Variants in FGF14 observed in about 807,000 individuals in gnomAD.
The protein encoded by FGF14 is fibroblast growth factor 14.
Under a neutral mutation model 25.5 loss-of-function variants are expected in FGF14, and 5 were observed. The ratio of observed to expected loss-of-function variants is 0.20; its 90% CI spans 0.10 to 0.41. The LOEUF (loss-of-function observed/expected upper bound fraction) is 0.41, where lower values mean the gene tolerates loss of function less well. FGF14 is among the 10% of genes least tolerant of loss of function. The probability of loss-of-function intolerance (pLI) is 1.00; values close to 1 mark genes in which losing one functional copy is unlikely to be tolerated. For missense variants in FGF14, 222 were observed against 320.1 expected (o/e 0.69, Z 2.34); for synonymous variants, 138 against 118.3 (o/e 1.17, Z -1.08).
intron 1 of FGF14, among the ~76,000 whole-genome samples, chr13:102,175,671 A>G (rs950271450): frequency 2.0e-5 from 3 of 152,104 alleles, no homozygotes; most frequent in African/African-American, 7.2e-5. Flanking sequence ...TATGCATCCA[A>G]CAAAGAAATA....
Position 101,910,564 on chromosome 13 carries a change from T to G in FGF14, c.193+5889A>C, listed in dbSNP as rs575649567. Among the ~76,000 whole-genome samples the G allele has an allele frequency of 7.9e-5, 12 of 152,242 alleles. No homozygotes were observed. In the South Asian group the frequency reaches 2.5e-3, roughly 32 times the overall value. On this transcript the variant is annotated intron_variant, in intron 1 of 4. Transcript: ENST00000376143. The stretch of plus-strand genomic sequence containing the variant: ...CCACAAAATAAATTACAAAATTTAA[T>G]TTTATGAAAGGAGACATTTTTCTGA...
intron 1 of FGF14, among the ~76,000 whole-genome samples, chr13:102,303,608 A>G (rs1194271601): frequency 6.6e-6 from 1 of 152,228 alleles, no homozygotes; most frequent in Non-Finnish European, 1.5e-5. Context: ...AATTTTACAA[A>G]TAAGAAAGTT....
chr13:102,185,584 A>C (rs1320631202), intron 1 of FGF14, among the ~76,000 whole-genome samples: 2 of 151,218 alleles, frequency 1.3e-5, no homozygotes, highest in Non-Finnish European at 2.9e-5. Flanking sequence ...CAGGATGAGA[A>C]ATGTATCTCT....
intron 1 of FGF14, among the ~76,000 whole-genome samples, chr13:101,936,966 T>C (rs2035143851): frequency 6.6e-6 from 1 of 152,172 alleles, no homozygotes; most frequent in African/African-American, 2.4e-5. Flanking sequence ...GGGGTAGAGA[T>C]GGGGGTGTTT....
intron 3 of FGF14, among the ~76,000 whole-genome samples, chr13:101,751,993 T>G (rs541032052): frequency 6.6e-6 from 1 of 152,298 alleles, no homozygotes; most frequent in East Asian, 1.9e-4. Flanking sequence ...AATATGAGAT[T>G]TGCAGAGACT....
intron 1 of FGF14, among the ~76,000 whole-genome samples, chr13:102,286,841 T>C (rs1435917316): frequency 6.6e-6 from 1 of 152,188 alleles, no homozygotes; most frequent in Non-Finnish European, 1.5e-5. Flanking sequence ...GACTAATCCC[T>C]GGGATTCATT....
At chr13:102,181,597 T>C (rs1321289240) in intron 1 of FGF14, among the ~76,000 whole-genome samples, 1 of 152,172 alleles carries the variant, frequency 6.6e-6, no homozygotes, top group African/African-American at 2.4e-5. Context: ...GCAATGCAGC[T>C]GCAAATCAGA....
chr13:102,374,598 T>G (rs2139128930), intron 1 of FGF14, among the ~76,000 whole-genome samples: 1 of 142,652 alleles, frequency 7.0e-6, no homozygotes, highest in Admixed American at 7.2e-5. Context: ...AATTTTAAAG[T>G]TTCAGGTGAT....
intron 3 of FGF14, among the ~76,000 whole-genome samples, chr13:101,727,868 G>A (rs2035546651): frequency 6.6e-6 from 1 of 152,016 alleles, no homozygotes; most frequent in Non-Finnish European, 1.5e-5. Flanking sequence ...GATCCTTACT[G>A]TCCTTGATCT....
At chr13:102,107,268 C>T (rs1338458443) in intron 1 of FGF14, among the ~76,000 whole-genome samples, 3 of 152,072 alleles carry the variant, frequency 2.0e-5, no homozygotes, top group Non-Finnish European at 4.4e-5. Context: ...GTACTGTTGA[C>T]AGGTTGTTAT....
At position 102,129,578 on chromosome 13, in the gene FGF14, T is replaced by C. The variant is rs531741690; in HGVS notation, c.209-254282A>G. Reference sequence around the variant, plus strand: ...ATTTCCCTTCCTCAATTCCTTACAATGTGTACACACTAGTTCTCTTTGGGA... The same window carrying C: ...ATTTCCCTTCCTCAATTCCTTACAACGTGTACACACTAGTTCTCTTTGGGA... On this transcript the variant is annotated intron_variant, in intron 1 of 4. Coordinates refer to the FGF14 transcript ENST00000376131. Among the ~76,000 whole-genome samples the C allele has an allele frequency of 4.6e-5, 7 of 152,046 alleles. No individual in the cohort carries two copies. In the South Asian group the frequency reaches 1.0e-3, roughly 23 times the overall value.
chr13:102,071,273 A>G (rs996272469), intron 1 of FGF14, among the ~76,000 whole-genome samples: 2 of 152,196 alleles, frequency 1.3e-5, no homozygotes, highest in Non-Finnish European at 1.5e-5. Context: ...TTTAAACATC[A>G]TGTCTTTGTG....
intron 1 of FGF14, among the ~76,000 whole-genome samples, chr13:102,000,111 C>T (rs920216648): frequency 7.9e-5 from 12 of 152,004 alleles, no homozygotes; most frequent in African/African-American, 2.7e-4. Context: ...GTCAGGAGAT[C>T]GAGACCATCC....
intron 3 of FGF14, among the ~76,000 whole-genome samples, chr13:101,867,092 G>A (rs141578862): frequency 1.0e-3 from 152 of 152,244 alleles, no homozygotes; most frequent in African/African-American, 3.5e-3. Context: ...CTGGGCAAAT[G>A]CTATTGCACG....
At chr13:101,726,908 G>A in intron 3 of FGF14, 98 bp from the exon 4 acceptor site, 1 of 929,240 alleles carries the variant, frequency 1.1e-6, no homozygotes, top group Non-Finnish European at 1.7e-6. Flanking sequence ...TGGTGAAAGA[G>A]TGCTTTGGCA....
rs181761378 is a variant in FGF14, at chr13:102,066,088, T to C, written c.209-190792A>G. Among the ~76,000 whole-genome samples, 3 of 152,218 alleles carry C rather than the reference T, an allele frequency of 2.0e-5. No individual in the cohort carries two copies. The East Asian group carries it at 5.8e-4, about 29-fold the overall frequency. ...AGAATGTCAGCACAAAATAATACAC[T>C]TAAGTAATACATTAATAATAACATT... On this transcript the variant is annotated intron_variant, in intron 1 of 4. Transcript: ENST00000376131.
At chr13:102,354,304 T>C (rs144646008) in intron 1 of FGF14, 38 of 152,312 alleles carry the variant, frequency 2.5e-4, no homozygotes, top group African/African-American at 8.4e-4. Flanking sequence ...TTCTCACCTA[T>C]TGTTTATACA....
chr13:101,974,694 C>T (rs1408531048), intron 1 of FGF14, among the ~76,000 whole-genome samples: 1 of 152,056 alleles, frequency 6.6e-6, no homozygotes, highest in African/African-American at 2.4e-5. Flanking sequence ...TGATACAAGG[C>T]TTTCTGATAA....
intron 1 of FGF14, among the ~76,000 whole-genome samples, chr13:102,049,180 G>A (rs1396417915): frequency 2.0e-5 from 3 of 152,082 alleles, no homozygotes. Flanking sequence ...GAACATGCCA[G>A]AAAATCCTTA....
Sources: allele counts gnomAD v4.1 joint callset (sites outside exome capture counted in the v4.1 genomes callset), GRCh38; gene constraint gnomAD v4.1.1; transcripts MANE v1.5; gene names NCBI Gene and HGNC (gene_info 2026-07-23, HGNC 2026-07-21).